Variants in CNTN5 observed in about 807,000 individuals in gnomAD.
The protein encoded by CNTN5 is contactin-5.
A neutral mutation model predicts 129.1 loss-of-function variants in CNTN5; 77 were observed. That is an observed-to-expected ratio of 0.60 (90% CI 0.50 to 0.72). The LOEUF is 0.72. CNTN5 is among the 30% of genes least tolerant of loss of function. The pLI is 0.00. For missense variants in CNTN5, 1,478 were observed against 1,328.8 expected, an observed-to-expected ratio of 1.11 and a Z score of -1.75; for synonymous variants, 509 against 465.6, an observed-to-expected ratio of 1.09 and a Z score of -1.20.
At chr11:99,226,720 C>T (rs1860704888) in intron 1 of CNTN5, among the ~76,000 whole-genome samples, 1 of 152,292 alleles carries the variant, frequency 6.6e-6, no homozygotes, top group Non-Finnish European at 1.5e-5. Context: ...AGGCAAAGAT[C>T]ACCTGTATAA....
At chr11:99,828,668 A>G (rs909851801) in intron 4 of CNTN5, among the ~76,000 whole-genome samples, 2 of 152,222 alleles carry the variant, frequency 1.3e-5, no homozygotes, top group Non-Finnish European at 2.9e-5. Flanking sequence ...ATGCATAATC[A>G]TGGAAGCTTT....
At chr11:100,158,883 A>G (rs886806630) in intron 13 of CNTN5, among the ~76,000 whole-genome samples, 1 of 151,944 alleles carries the variant, frequency 6.6e-6, no homozygotes, top group South Asian at 2.1e-4. Context: ...TCATAGCAGC[A>G]CTGTTAGCAC....
intron 3 of CNTN5, among the ~76,000 whole-genome samples, chr11:99,722,104 T>C (rs1943192243): frequency 6.6e-6 from 1 of 152,100 alleles, no homozygotes; most frequent in Non-Finnish European, 1.5e-5. Flanking sequence ...AGTGGAACTA[T>C]CATTCAATCC....
chr11:99,738,996 TAATA>T (rs1943804879), intron 3 of CNTN5, among the ~76,000 whole-genome samples: 1 of 152,162 alleles, frequency 6.6e-6, no homozygotes, highest in African/African-American at 2.4e-5. Context: ...GGCCCAGATG[TAATA>T]AATATAGACG....
intron 1 of CNTN5, among the ~76,000 whole-genome samples, chr11:99,201,174 G>A (rs1004588180): frequency 1.7e-4 from 26 of 151,606 alleles, no homozygotes; most frequent in Admixed American, 6.6e-5. Flanking sequence ...ACAGGCCTGC[G>A]CCACCATGCC....
At chr11:99,803,637 G>A (rs555544086) in intron 3 of CNTN5, among the ~76,000 whole-genome samples, 1 of 152,298 alleles carries the variant, frequency 6.6e-6, no homozygotes, top group African/African-American at 2.4e-5. Flanking sequence ...GTTGCTCCTA[G>A]ATCCTCTCCG....
chr11:100,045,073 G>A (rs763999222), intron 9 of CNTN5, among the ~76,000 whole-genome samples: 1 of 151,390 alleles, frequency 6.6e-6, no homozygotes, highest in Non-Finnish European at 1.5e-5. Flanking sequence ...ATCTCACATC[G>A]TGTATCTACT....
intron 1 of CNTN5, among the ~76,000 whole-genome samples, chr11:99,108,522 T>C (rs1857627401): frequency 6.6e-6 from 1 of 152,152 alleles, no homozygotes; most frequent in Admixed American, 6.5e-5. Flanking sequence ...CATTTTTATA[T>C]TTTTTTAACT....
At chr11:99,670,009 T>C (rs557422178) in intron 3 of CNTN5, among the ~76,000 whole-genome samples, 12 of 152,326 alleles carry the variant, frequency 7.9e-5, no homozygotes, top group African/African-American at 1.9e-4. Flanking sequence ...TGAGGATAGA[T>C]GCATTGTTTT....
intron 13 of CNTN5, among the ~76,000 whole-genome samples, chr11:100,157,757 C>G (rs1399032846): frequency 6.6e-6 from 1 of 151,666 alleles, no homozygotes; most frequent in African/African-American, 2.4e-5. Flanking sequence ...CTTGCAAACA[C>G]ATGTTATAGA....
At chr11:100,187,010 TAAC>T (rs1948318663) in intron 13 of CNTN5, among the ~76,000 whole-genome samples, 1 of 152,178 alleles carries the variant, frequency 6.6e-6, no homozygotes, top group South Asian at 2.1e-4. Context: ...CACTGCCACT[TAAC>T]AGACAAAAAA....
intron 3 of CNTN5, among the ~76,000 whole-genome samples, chr11:99,627,303 T>C (rs1951167450): frequency 6.6e-6 from 1 of 152,166 alleles, no homozygotes; most frequent in Non-Finnish European, 1.5e-5. Flanking sequence ...CAAACTGAAC[T>C]ACCTAAAGTG....
intron 4 of CNTN5, among the ~76,000 whole-genome samples, chr11:99,837,071 T>TA (rs1947330432): frequency 6.6e-6 from 1 of 152,112 alleles, no homozygotes; most frequent in Admixed American, 6.6e-5. Flanking sequence ...ATCTTGTGCT[T>TA]ACCTCCTGTC....
chr11:100,002,358 A>T (rs992591798), intron 9 of CNTN5, among the ~76,000 whole-genome samples: 1 of 151,926 alleles, frequency 6.6e-6, no homozygotes, highest in Non-Finnish European at 1.5e-5. Context: ...CTATTTTAAC[A>T]TAAAAAAACT....
chr11:99,101,415 C>A (rs1351687289), intron 1 of CNTN5, among the ~76,000 whole-genome samples: 1 of 152,172 alleles, frequency 6.6e-6, no homozygotes, highest in African/African-American at 2.4e-5. Context: ...AGCATTAACT[C>A]AAAAGTCTAC....
rs183454987 is a variant in CNTN5, at chr11:100,161,369, A to C, written c.1581-29757A>C. ...CATTTCTAGCAGACTGACTTGGTAA[A>C]TATTATAGTTAATACCTGCAGATTG... is the stretch of plus-strand genomic sequence containing the variant. On this transcript the variant is annotated intron_variant, in intron 13 of 24. Coordinates refer to ENST00000524871, the MANE Select transcript of CNTN5 (RefSeq NM_014361.4). Among the ~76,000 whole-genome samples, 19 of 152,044 alleles carry C rather than the reference A, an allele frequency of 1.2e-4. 1 individual carries two copies. The highest frequency in any genetic ancestry group is 9.2e-4 in the Admixed American group (14 of 15,234).
chr11:100,102,230 G>A (rs1029513721), intron 13 of CNTN5, among the ~76,000 whole-genome samples: 5 of 151,330 alleles, frequency 3.3e-5, no homozygotes, highest in African/African-American at 1.2e-4. Context: ...CCACACTAAC[G>A]TCTATTTTTT....
At chr11:99,785,733 A>T (rs1477486885) in intron 3 of CNTN5, among the ~76,000 whole-genome samples, 1 of 152,152 alleles carries the variant, frequency 6.6e-6, no homozygotes, top group Non-Finnish European at 1.5e-5. Context: ...CATAAACATA[A>T]ACAGAACCAA....
chr11:99,963,041 G>A (rs1461797723), intron 8 of CNTN5, among the ~76,000 whole-genome samples: 3 of 152,134 alleles, frequency 2.0e-5, no homozygotes, highest in African/African-American at 7.2e-5. Context: ...TGAGTTCATT[G>A]TAGATTCTGG....
Sources: gnomAD v4.1 joint callset for allele counts (sites outside exome capture counted in the v4.1 genomes callset) on GRCh38, gnomAD v4.1.1 for gene constraint, MANE v1.5 for transcripts, NCBI Gene and HGNC (gene_info 2026-07-23, HGNC 2026-07-21) for gene names.